The following CDH13 variants were observed in gnomAD, a reference collection of about 807,000 sequenced individuals.
CDH13 encodes the protein cadherin-13.
CDH13 carries 24 observed loss-of-function variants against 63.8 expected under a neutral mutation model. That is an observed-to-expected ratio of 0.38 (90% CI 0.27 to 0.53). The LOEUF (loss-of-function observed/expected upper bound fraction) is 0.53, where lower values mean the gene tolerates loss of function less well. Ranked by LOEUF, CDH13 falls within the 20% of genes least tolerant of loss-of-function variation. The probability of loss-of-function intolerance (pLI) is 0.85; values close to 1 mark genes in which losing one functional copy is unlikely to be tolerated. For missense variants in CDH13, 1,049 were observed against 903.1 expected (o/e 1.16, Z -2.07); for synonymous variants, 503 against 355.3 (o/e 1.42, Z -4.67).
chr16:82,868,698 G>T (rs1479897369), intron 2 of CDH13, among the ~76,000 whole-genome samples: 1 of 152,226 alleles, frequency 6.6e-6, no homozygotes, highest in Admixed American at 6.5e-5. Context: ...GGCTAAATTT[G>T]CCTCACAGAT....
At chr16:82,665,212 C>G (rs933447910) in intron 1 of CDH13, among the ~76,000 whole-genome samples, 5 of 152,098 alleles carry the variant, frequency 3.3e-5, no homozygotes, top group African/African-American at 1.2e-4. Flanking sequence ...GGCAATTTTG[C>G]TGTCAAAATG....
At chr16:83,314,449 C>A (rs1468401506) in intron 5 of CDH13, among the ~76,000 whole-genome samples, 3 of 152,124 alleles carry the variant, frequency 2.0e-5, no homozygotes, top group Non-Finnish European at 1.5e-5. Flanking sequence ...AATTAGACTT[C>A]CAGGACAGAG....
At chr16:82,748,817 G>T (rs2034290472) in intron 1 of CDH13, among the ~76,000 whole-genome samples, 1 of 152,096 alleles carries the variant, frequency 6.6e-6, no homozygotes, top group South Asian at 2.1e-4. Context: ...CTGTTTCCCA[G>T]CATCTTTTCC....
At chr16:83,774,212 C>A (rs1007967633) in intron 11 of CDH13, among the ~76,000 whole-genome samples, 7 of 152,150 alleles carry the variant, frequency 4.6e-5, no homozygotes, top group African/African-American at 1.4e-4. Flanking sequence ...GCCTATTGTC[C>A]TACTACAGGG....
intron 6 of CDH13, among the ~76,000 whole-genome samples, chr16:83,374,152 A>G (rs1567625811): frequency 6.6e-6 from 1 of 152,354 alleles, no homozygotes; most frequent in Admixed American, 6.5e-5. Flanking sequence ...GACTGGATCC[A>G]CATAACCTGA....
intron 7 of CDH13, among the ~76,000 whole-genome samples, chr16:83,581,427 T>C (rs576084851): frequency 6.6e-6 from 1 of 152,222 alleles, no homozygotes; most frequent in Non-Finnish European, 1.5e-5. Flanking sequence ...ACTTGCTACC[T>C]CCTTTTTCTG....
intron 7 of CDH13, among the ~76,000 whole-genome samples, chr16:83,511,345 C>A (rs898215889): frequency 2.0e-5 from 3 of 152,034 alleles, no homozygotes; most frequent in Admixed American, 6.6e-5. Flanking sequence ...GCCTGTAACC[C>A]CATCTACTCG....
intron 11 of CDH13, among the ~76,000 whole-genome samples, chr16:83,753,378 G>T (rs112279959): frequency 2.0e-5 from 3 of 152,002 alleles, no homozygotes; most frequent in African/African-American, 7.2e-5. Context: ...ACTCCATCCC[G>T]AAAAAGAATA....
intron 7 of CDH13, among the ~76,000 whole-genome samples, chr16:83,529,250 G>C (rs1176079264): frequency 6.6e-6 from 1 of 152,094 alleles, no homozygotes; most frequent in African/African-American, 2.4e-5. Context: ...TGGAATCCTA[G>C]CTTTGCAGTG....
At chr16:82,654,158 T>G (rs141245648) in intron 1 of CDH13, among the ~76,000 whole-genome samples, 475 of 152,256 alleles carry the variant, frequency 3.1e-3, no homozygotes, top group African/African-American at 0.011. Flanking sequence ...TCCTGAGAGA[T>G]AGAGAAAGGA....
chr16:83,788,700 G>T (rs1645850), intron 13 of CDH13, among the ~76,000 whole-genome samples: 2 of 151,956 alleles, frequency 1.3e-5, no homozygotes, highest in Admixed American at 1.3e-4. Context: ...ATTGATAAAA[G>T]ACAGGCACAG....
At chr16:83,026,112 A>T (rs1004179049) in intron 2 of CDH13, among the ~76,000 whole-genome samples, 2 of 152,180 alleles carry the variant, frequency 1.3e-5, no homozygotes, top group African/African-American at 4.8e-5. Context: ...TTGATTTAGA[A>T]AGTATTGAGT....
chr16:82,817,724 G>T (rs1157136901), intron 1 of CDH13, among the ~76,000 whole-genome samples: 3 of 152,110 alleles, frequency 2.0e-5, no homozygotes, highest in Non-Finnish European at 4.4e-5. Flanking sequence ...AGAATCACTT[G>T]AACTCAGGAG....
chr16:83,142,780 A>G (rs1295393161), intron 4 of CDH13, among the ~76,000 whole-genome samples: 1 of 152,124 alleles, frequency 6.6e-6, no homozygotes, highest in African/African-American at 2.4e-5. Flanking sequence ...AAAAAAGGCC[A>G]ACTCCAGTGG....
At chr16:83,317,234 TC>T (rs1361913431) in intron 5 of CDH13, among the ~76,000 whole-genome samples, 3 of 152,168 alleles carry the variant, frequency 2.0e-5, no homozygotes, top group African/African-American at 7.2e-5. Flanking sequence ...TTATCACTCA[TC>T]CTGAACTCGA....
chr16:83,048,609 C>G (rs1250468662), intron 3 of CDH13, among the ~76,000 whole-genome samples: 1 of 152,184 alleles, frequency 6.6e-6, no homozygotes, highest in Non-Finnish European at 1.5e-5. Flanking sequence ...TTCATACCAT[C>G]CATTTCAGTT....
chr16:83,017,500 C>G (rs1437819443), intron 2 of CDH13, among the ~76,000 whole-genome samples: 1 of 152,216 alleles, frequency 6.6e-6, no homozygotes, highest in African/African-American at 2.4e-5. Flanking sequence ...AGCTTTCCTA[C>G]TTACAGATGT....
intron 11 of CDH13, among the ~76,000 whole-genome samples, chr16:83,772,124 C>G (rs1219896464): frequency 6.6e-6 from 1 of 152,146 alleles, no homozygotes; most frequent in Non-Finnish European, 1.5e-5. Flanking sequence ...GCCTATTAAA[C>G]TATCCATGTA....
At chr16:82,805,735 A>C (rs779780551) in intron 1 of CDH13, among the ~76,000 whole-genome samples, 1 of 152,114 alleles carries the variant, frequency 6.6e-6, no homozygotes, top group Non-Finnish European at 1.5e-5. Context: ...TTGCCGAAGG[A>C]ATTCTTAGGA....
Sources: allele counts gnomAD v4.1 joint callset (sites outside exome capture counted in the v4.1 genomes callset), GRCh38; gene constraint gnomAD v4.1.1; transcripts MANE v1.5; gene names NCBI Gene and HGNC (gene_info 2026-07-23, HGNC 2026-07-21).